The following ACVR1C variants were observed in gnomAD, a reference collection of about 807,000 sequenced individuals.
ACVR1C encodes the protein activin A receptor type 1C.
A neutral mutation model predicts 57.9 loss-of-function variants in ACVR1C; 23 were observed. The ratio of observed to expected loss-of-function variants is 0.40; its 90% CI spans 0.29 to 0.56. The LOEUF (loss-of-function observed/expected upper bound fraction) is 0.56. ACVR1C is among the 20% of genes least tolerant of loss of function. The pLI, the probability that ACVR1C is intolerant of heterozygous loss-of-function variation, is 0.50. For synonymous variants in ACVR1C, 214 were observed against 215.3 expected, an observed-to-expected ratio of 0.99 and a Z score of 0.05; for missense variants, 480 against 607.9, an observed-to-expected ratio of 0.79 and a Z score of 2.21.
chr2:157,581,485 G>C (rs963773334), intron 2 of ACVR1C, among the ~76,000 whole-genome samples: 1 of 152,092 alleles, frequency 6.6e-6, no homozygotes, highest in Admixed American at 6.5e-5. Flanking sequence ...ACCTACTAGG[G>C]GGAGACGGGA....
In ACVR1C at chr2:157,550,955, AT is replaced by A. The variant is rs537182990; in HGVS notation, c.545-564del. 6.0e-4 allele frequency among the ~76,000 whole-genome samples: 91 copies of A among 152,298 alleles called. 2 individuals carry two copies. In the South Asian group the frequency reaches 0.015, roughly 25 times the overall value. ...AATATTTTCTGCAGAACAAAAAAAAATTTTCAAAGAAAATATATCCTGAATG... is the reference window on the plus strand; with the variant it reads ...AATATTTTCTGCAGAACAAAAAAAAATTTCAAAGAAAATATATCCTGAATG... On this transcript the variant is annotated intron_variant, in intron 3 of 8. Coordinates refer to ENST00000243349, the MANE Select transcript of ACVR1C (RefSeq NM_145259.3).
intron 2 of ACVR1C, among the ~76,000 whole-genome samples, chr2:157,575,918 A>G (rs1688634789): frequency 6.6e-6 from 1 of 152,146 alleles, no homozygotes; most frequent in Non-Finnish European, 1.5e-5. Context: ...TGTCTCCAAT[A>G]CCTACTCCAG....
At chr2:157,601,555 T>C (rs1682282350) in intron 1 of ACVR1C, among the ~76,000 whole-genome samples, 1 of 152,166 alleles carries the variant, frequency 6.6e-6, no homozygotes, top group Non-Finnish European at 1.5e-5. Context: ...AAGTCTAAGG[T>C]AGGTCATCTG....
chr2:157,596,579 C>T (rs1290431897), intron 1 of ACVR1C, among the ~76,000 whole-genome samples: 3 of 152,116 alleles, frequency 2.0e-5, no homozygotes, highest in Non-Finnish European at 4.4e-5. Flanking sequence ...ATTTATTTTG[C>T]TTTAAAGCTT....
chr2:157,544,653 G>C (rs752157647), intron 4 of ACVR1C, 41 bp from the exon 5 acceptor site: 1 of 1,532,958 alleles, frequency 6.5e-7, no homozygotes, highest in Admixed American at 1.9e-5. Flanking sequence ...AATACATATT[G>C]AGAAAGAAGC....
At chr2:157,585,157 A>G (rs1164492079) in intron 2 of ACVR1C, among the ~76,000 whole-genome samples, 2 of 152,234 alleles carry the variant, frequency 1.3e-5, no homozygotes, top group Non-Finnish European at 2.9e-5. Flanking sequence ...GTGTGTGTCT[A>G]AACTCATCAA....
intron 1 of ACVR1C, among the ~76,000 whole-genome samples, chr2:157,624,882 C>T (rs1682865668): frequency 6.6e-6 from 1 of 152,200 alleles, no homozygotes; most frequent in Admixed American, 6.5e-5. Flanking sequence ...TGGAATTAAA[C>T]AGCAATTAAT....
chr2:157,618,313 T>C (rs1447631033), intron 1 of ACVR1C, among the ~76,000 whole-genome samples: 1 of 151,682 alleles, frequency 6.6e-6, no homozygotes, highest in Non-Finnish European at 1.5e-5. Flanking sequence ...TAGAGAGGCA[T>C]AGCTTAGAAA....
At chr2:157,560,269 T>C (rs1688203772) in intron 2 of ACVR1C, among the ~76,000 whole-genome samples, 1 of 152,224 alleles carries the variant, frequency 6.6e-6, no homozygotes. Flanking sequence ...CTCTGCTCCT[T>C]CTTTATTGAA....
intron 1 of ACVR1C, among the ~76,000 whole-genome samples, chr2:157,618,477 G>A (rs1231528682): frequency 6.6e-6 from 1 of 151,578 alleles, no homozygotes; most frequent in Non-Finnish European, 1.5e-5. Flanking sequence ...TGTTGTAAAT[G>A]CTCCAGTTAA....
intron 2 of ACVR1C, among the ~76,000 whole-genome samples, chr2:157,580,853 T>C (rs1256782848): frequency 2.0e-5 from 3 of 151,950 alleles, no homozygotes; most frequent in Non-Finnish European, 4.4e-5. Flanking sequence ...CAACTAAGAA[T>C]GGCACTGCCA....
rs1687305895 is a variant in ACVR1C at position 157,529,310 on chromosome 2, C to G, written c.*4608G>C. ...CACCCCAGTGGTTGCCTACTTAGCT[C>G]AACAACCATTCTACAACTCTTTCTT... On this transcript the variant is annotated 3_prime_UTR_variant, in exon 9 of 9. Transcript: ENST00000243349. 1 of 152,062 alleles carries G rather than the reference C, an allele frequency of 6.6e-6. No homozygotes were observed. Among genetic ancestry groups the G allele is most frequent in the South Asian group, 2.1e-4 (1 of 4,830 alleles). 9.4% of individuals were successfully genotyped at this position (152,062 alleles called of 1,614,324 possible). A position where few individuals can be genotyped will look rare whatever the true frequency, so the allele number is the denominator to read the frequency against.
chr2:157,581,643 T>C (rs915935457), intron 2 of ACVR1C, among the ~76,000 whole-genome samples: 1 of 152,166 alleles, frequency 6.6e-6, no homozygotes, highest in African/African-American at 2.4e-5. Context: ...TCAAGTCAGC[T>C]ACCCAGAAAT....
chr2:157,537,290 T>C (rs541578229), intron 8 of ACVR1C, among the ~76,000 whole-genome samples: 1 of 152,100 alleles, frequency 6.6e-6, no homozygotes, highest in South Asian at 2.1e-4. Context: ...TCAAAGGTAT[T>C]GAAAATGTTC....
chr2:157,607,151 T>A (rs1456978958), intron 1 of ACVR1C, among the ~76,000 whole-genome samples: 1 of 151,980 alleles, frequency 6.6e-6, no homozygotes, highest in Non-Finnish European at 1.5e-5. Flanking sequence ...CTGAGTTCTC[T>A]ATTCTGTTTC....
chr2:157,611,969 C>A lies in ACVR1C; in HGVS notation c.73+16603G>T, dbSNP rs574202276. ...CTCCAGGACTCATTCTAGAGCAGAGCATTCATGCTATTGGGATAAATGGAG... is the reference window on the plus strand; with the variant it reads ...CTCCAGGACTCATTCTAGAGCAGAGAATTCATGCTATTGGGATAAATGGAG... On this transcript the variant is annotated intron_variant, in intron 1 of 8. Transcript: ENST00000243349. Among the ~76,000 whole-genome samples, 9 of 152,290 alleles carry A rather than the reference C, an allele frequency of 5.9e-5. No homozygotes were observed. In the South Asian group the frequency reaches 1.7e-3, roughly 28 times the overall value.
At chr2:157,616,596 T>A (rs756630607) in intron 1 of ACVR1C, among the ~76,000 whole-genome samples, 8 of 152,262 alleles carry the variant, frequency 5.3e-5, no homozygotes, top group South Asian at 2.1e-4. Flanking sequence ...CTTAAGTATC[T>A]CCTCATAATT....
chr2:157,613,808 T>G (rs905260294), intron 1 of ACVR1C, among the ~76,000 whole-genome samples: 2 of 152,204 alleles, frequency 1.3e-5, no homozygotes, highest in Non-Finnish European at 2.9e-5. Context: ...GAGATACTGG[T>G]CTATAGTTTT....
Position 157,628,725 on chromosome 2 carries a change from T to A in ACVR1C, c.-81A>T. The A allele has an allele frequency of 1.6e-6, 2 of 1,275,286 alleles. No individual in the cohort carries two copies. The highest frequency in any genetic ancestry group is 1.6e-5 in the South Asian group (1 of 62,578). 79.0% of individuals were successfully genotyped at this position (1,275,286 alleles called of 1,614,324 possible). A position where few individuals can be genotyped will look rare whatever the true frequency, so the allele number is the denominator to read the frequency against. ...GGGGCAGCACGGCCCGCTTTGAAGT[T>A]CCCGGGCCGCGGGAGGGGAGCGCGG... On this transcript the variant is annotated 5_prime_UTR_variant, in exon 1 of 9. Transcript: ENST00000243349.
Sources: gnomAD v4.1 joint callset for allele counts (sites outside exome capture counted in the v4.1 genomes callset) on GRCh38, gnomAD v4.1.1 for gene constraint, MANE v1.5 for transcripts, NCBI Gene and HGNC (gene_info 2026-07-23, HGNC 2026-07-21) for gene names.